The following USH2A variants were observed in gnomAD, a reference collection of about 807,000 sequenced individuals.
USH2A encodes the protein usherin.
A neutral mutation model predicts 538.9 loss-of-function variants in USH2A; 443 were observed. That is an observed-to-expected ratio of 0.82 (90% CI 0.76 to 0.89). The LOEUF (loss-of-function observed/expected upper bound fraction) is 0.89. Among genes scored for constraint, USH2A ranks in the 40% least tolerant of loss-of-function variants. The probability of loss-of-function intolerance (pLI) is 0.00; values close to 1 mark genes in which losing one functional copy is unlikely to be tolerated. For missense variants in USH2A, 6,633 were observed against 6,324.8 expected (o/e 1.05, Z -1.65); for synonymous variants, 2,413 against 2,273.5 (o/e 1.06, Z -1.75).
chr1:216,370,158 A>G (rs547716491), intron 3 of USH2A, among the ~76,000 whole-genome samples: 1 of 152,166 alleles, frequency 6.6e-6, no homozygotes, highest in East Asian at 2.0e-4. Context: ...GAAAAGTTCT[A>G]GACCAGCCTG....
intron 21 of USH2A, among the ~76,000 whole-genome samples, chr1:216,105,430 G>C (rs113087005): frequency 2.7e-3 from 405 of 151,786 alleles, no homozygotes; most frequent in Non-Finnish European, 4.5e-3. Flanking sequence ...CCATTGAACT[G>C]CCTTACCTCT....
chr1:216,009,388 A>G (rs1224244513), intron 32 of USH2A, among the ~76,000 whole-genome samples: 1 of 152,146 alleles, frequency 6.6e-6, no homozygotes, highest in Non-Finnish European at 1.5e-5. Context: ...TGACCACAAT[A>G]CAAACTCAAC....
chr1:216,369,216 AT>A (rs2038655758), intron 3 of USH2A, among the ~76,000 whole-genome samples: 1 of 152,210 alleles, frequency 6.6e-6, no homozygotes, highest in South Asian at 2.1e-4. Flanking sequence ...TCCATCCATA[AT>A]TTTTAAGCTA....
chr1:215,869,383 T>C (rs1426784690), intron 43 of USH2A, among the ~76,000 whole-genome samples: 3 of 152,188 alleles, frequency 2.0e-5, no homozygotes, highest in Non-Finnish European at 4.4e-5. Context: ...GTCATATCAC[T>C]AAGGCTTGAA....
chr1:216,217,786 C>T (rs1411103438), intron 14 of USH2A, among the ~76,000 whole-genome samples: 2 of 152,036 alleles, frequency 1.3e-5, no homozygotes, highest in Non-Finnish European at 2.9e-5. Flanking sequence ...TCTTTATAAA[C>T]TAATTAATAG....
At chr1:215,825,563 C>T (rs1164355624) in intron 47 of USH2A, among the ~76,000 whole-genome samples, 4 of 152,032 alleles carry the variant, frequency 2.6e-5, no homozygotes, top group Admixed American at 2.6e-4. Flanking sequence ...TTTGTTTGAC[C>T]AGAGAAAAGA....
intron 43 of USH2A, among the ~76,000 whole-genome samples, chr1:215,873,861 A>ATTC (rs1445862441): frequency 7.4e-4 from 113 of 152,272 alleles, no homozygotes; most frequent in Admixed American, 4.1e-3. Flanking sequence ...AGCAATTAGA[A>ATTC]CATACATTCC....
chr1:215,626,702 G>C (rs1423684157), intron 71 of USH2A, among the ~76,000 whole-genome samples: 1 of 152,140 alleles, frequency 6.6e-6, no homozygotes, highest in East Asian at 1.9e-4. Context: ...GAGCTCTGTA[G>C]TCAGATGATG....
chr1:216,403,059 A>G (rs2039335628), intron 3 of USH2A, among the ~76,000 whole-genome samples: 1 of 152,184 alleles, frequency 6.6e-6, no homozygotes, highest in African/African-American at 2.4e-5. Context: ...AAGGAATTGT[A>G]TACTACATAT....
At chr1:215,837,577 T>C (rs1663567107) in intron 47 of USH2A, among the ~76,000 whole-genome samples, 1 of 152,186 alleles carries the variant, frequency 6.6e-6, no homozygotes, top group Non-Finnish European at 1.5e-5. Flanking sequence ...AAACATTATC[T>C]GCCCTACTAA....
intron 21 of USH2A, among the ~76,000 whole-genome samples, chr1:216,148,857 GGACT>G (rs2033769723): frequency 6.6e-6 from 1 of 151,382 alleles, no homozygotes; most frequent in South Asian, 2.1e-4. Context: ...ACTTTCACTT[GGACT>G]GACCCTGACA....
chr1:216,245,497 GA>G (rs2036021248), intron 13 of USH2A, among the ~76,000 whole-genome samples: 2 of 151,492 alleles, frequency 1.3e-5, no homozygotes, highest in Non-Finnish European at 2.9e-5. Context: ...GAGAGAGAGA[GA>G]GAGAGAGAGA....
intron 32 of USH2A, among the ~76,000 whole-genome samples, chr1:216,007,450 A>G (rs1668426523): frequency 6.6e-6 from 1 of 152,122 alleles, no homozygotes; most frequent in South Asian, 2.1e-4. Flanking sequence ...GGAAGTATGG[A>G]GTCTTCCACT....
intron 61 of USH2A, among the ~76,000 whole-genome samples, chr1:215,699,038 G>C (rs1571968288): frequency 6.6e-6 from 1 of 152,128 alleles, no homozygotes; most frequent in South Asian, 2.1e-4. Flanking sequence ...TCTGCATATA[G>C]GTAGCCAGTT....
intron 3 of USH2A, among the ~76,000 whole-genome samples, chr1:216,395,008 G>A (rs967608641): frequency 2.6e-5 from 4 of 152,062 alleles, no homozygotes; most frequent in Admixed American, 6.5e-5. Flanking sequence ...GTGAGCCACC[G>A]CGCCCAGCCG....
At chr1:216,091,076 C>G (rs1438247953) in intron 22 of USH2A, among the ~76,000 whole-genome samples, 1 of 152,138 alleles carries the variant, frequency 6.6e-6, no homozygotes, top group Non-Finnish European at 1.5e-5. Context: ...GACAAACTCA[C>G]TTTATACTTA....
intron 21 of USH2A, among the ~76,000 whole-genome samples, chr1:216,167,222 G>T (rs2034187971): frequency 6.6e-6 from 1 of 152,050 alleles, no homozygotes; most frequent in Non-Finnish European, 1.5e-5. Context: ...CAGGGTCAGA[G>T]AAGCACCGCC....
At chr1:215,643,346 C>A (rs2677111) in intron 67 of USH2A, among the ~76,000 whole-genome samples, 81,684 of 151,734 alleles carry the variant, frequency 0.54, 24,020 homozygotes, top group Non-Finnish European at 0.67. Flanking sequence ...TTCGTGCTCC[C>A]AGTATTTATA....
intron 61 of USH2A, among the ~76,000 whole-genome samples, chr1:215,724,220 AACAC>A (rs3049512): frequency 0.019 from 2,835 of 147,468 alleles, 90 homozygotes; most frequent in East Asian, 0.069. Flanking sequence ...TAGAATGTGA[AACAC>A]ACACACACAC....
Sources: allele counts gnomAD v4.1 joint callset (sites outside exome capture counted in the v4.1 genomes callset), GRCh38; gene constraint gnomAD v4.1.1; transcripts MANE v1.5; gene names NCBI Gene and HGNC (gene_info 2026-07-23, HGNC 2026-07-21).